GFM1: variants seen among roughly 807,000 people sequenced by gnomAD.
GFM1 encodes the protein G elongation factor mitochondrial 1.
A neutral mutation model predicts 96.2 loss-of-function variants in GFM1; 62 were observed. The ratio of observed to expected loss-of-function variants is 0.64; its 90% CI spans 0.53 to 0.80. The LOEUF (loss-of-function observed/expected upper bound fraction) is 0.80, where lower values mean the gene tolerates loss of function less well. Among genes scored for constraint, GFM1 ranks in the 30% least tolerant of loss-of-function variants. GFM1 has a pLI of 0.00. For missense variants in GFM1, 852 were observed against 916.6 expected (o/e 0.93, Z 0.91); for synonymous variants, 282 against 312.9 (o/e 0.90, Z 1.04).
intron 13 of GFM1, among the ~76,000 whole-genome samples, chr3:158,678,322 A>G (rs1410365731): frequency 6.6e-6 from 1 of 152,214 alleles, no homozygotes; most frequent in Non-Finnish European, 1.5e-5. Context: ...GATCGCTGCC[A>G]TAGGTTGATT....
In GFM1 at chr3:158,644,611, T is replaced by G; in HGVS notation, c.-24T>G. ...CTGAACCCACCCGGCGCCACGGGAC[T>G]TTGACGCGTGCTCTGCGCTTGCCAT... On this transcript the variant is annotated 5_prime_UTR_variant, in exon 1 of 18. Coordinates refer to ENST00000486715, the MANE Select transcript of GFM1 (RefSeq NM_024996.7). The G allele has an allele frequency of 1.3e-6, 2 of 1,557,414 alleles. No individual in the cohort carries two copies. Among genetic ancestry groups the G allele is most frequent in the Non-Finnish European group, 1.7e-6 (2 of 1,150,780 alleles).
intron 13 of GFM1, chr3:158,666,917 T>A: frequency 1.3e-6 from 2 of 1,520,184 alleles, no homozygotes; most frequent in East Asian, 4.8e-5. Flanking sequence ...TTACATGAAT[T>A]CTGATTTAGA....
intron 6 of GFM1, 22 bp downstream of exon 6, chr3:158,652,268 C>T (rs914631990): frequency 5.0e-6 from 8 of 1,610,082 alleles, no homozygotes; most frequent in Non-Finnish European, 6.8e-6. Context: ...CAAAATAAGT[C>T]TTATGTTAAC....
At chr3:158,676,906 G>A (rs1209905357) in intron 13 of GFM1, among the ~76,000 whole-genome samples, 1 of 151,924 alleles carries the variant, frequency 6.6e-6, no homozygotes, top group Non-Finnish European at 1.5e-5. Flanking sequence ...CACCGTATTG[G>A]CCAGGCTGGT....
At chr3:158,647,508 C>G (rs1326284030) in intron 4 of GFM1, among the ~76,000 whole-genome samples, 1 of 152,220 alleles carries the variant, frequency 6.6e-6, no homozygotes, top group African/African-American at 2.4e-5. Context: ...CAGAATTTCA[C>G]TTTTCACCTT....
At chr3:158,679,259 G>A (rs950973946) in intron 13 of GFM1, among the ~76,000 whole-genome samples, 1 of 152,114 alleles carries the variant, frequency 6.6e-6, no homozygotes, top group African/African-American at 2.4e-5. Context: ...CTACAGTATC[G>A]TGTAAACATA....
At chr3:158,674,229 C>T (rs1180557717) in intron 13 of GFM1, among the ~76,000 whole-genome samples, 1 of 151,858 alleles carries the variant, frequency 6.6e-6, no homozygotes, top group Non-Finnish European at 1.5e-5. Flanking sequence ...TACAGGTGCA[C>T]TTCACCACAC....
rs1213528613 is a variant in GFM1, at chr3:158,693,415, G to T, written c.*1948G>T. 2 of 152,116 alleles carry T rather than the reference G, an allele frequency of 1.3e-5. No homozygotes were observed. The highest frequency in any genetic ancestry group is 4.8e-5 in the African/African-American group (2 of 41,384). 9.4% of individuals were successfully genotyped at this position (152,116 alleles called of 1,614,324 possible). On this transcript the variant is annotated 3_prime_UTR_variant, in exon 18 of 18. Coordinates refer to ENST00000486715, the MANE Select transcript of GFM1 (RefSeq NM_024996.7). The stretch of plus-strand genomic sequence containing the variant: ...TATTTTTAATTTGTAAAACATCCTG[G>T]TTATAATGTTACAGTGTTAGAAAAG...
intron 6 of GFM1, 71 bp from the exon 7 acceptor site, chr3:158,653,235 CATTT>C (rs1722439233): frequency 1.7e-6 from 2 of 1,180,912 alleles, no homozygotes. Context: ...TCATTTTATT[CATTT>C]GTTTGTAGTT....
chr3:158,671,929 A>G (rs1724358461), intron 13 of GFM1, among the ~76,000 whole-genome samples: 1 of 152,058 alleles, frequency 6.6e-6, no homozygotes, highest in Non-Finnish European at 1.5e-5. Flanking sequence ...TCTGATAAGG[A>G]TTTGTCTTAA....
chr3:158,669,937 C>T (rs1050454821), intron 13 of GFM1, among the ~76,000 whole-genome samples: 3 of 152,196 alleles, frequency 2.0e-5, no homozygotes, highest in Non-Finnish European at 4.4e-5. Context: ...TATACCAACT[C>T]AAGACTGGTT....
intron 8 of GFM1, among the ~76,000 whole-genome samples, chr3:158,655,463 G>A (rs192176822): frequency 6.9e-5 from 10 of 145,878 alleles, no homozygotes; most frequent in South Asian, 4.4e-4. Context: ...CAGCCTGGGC[G>A]ACAGAGCAAG....
intron 15 of GFM1, among the ~76,000 whole-genome samples, chr3:158,686,727 T>TTTG (rs1725890780): frequency 1.5e-5 from 2 of 137,388 alleles, no homozygotes; most frequent in Non-Finnish European, 3.1e-5. Flanking sequence ...TGAGGTTTTT[T>TTTG]TTTTTTTTTT....
At chr3:158,646,969 A>C in intron 4 of GFM1, 22 bp downstream of exon 4, 1 of 1,584,838 alleles carries the variant, frequency 6.3e-7, no homozygotes, top group East Asian at 2.2e-5. Flanking sequence ...TAGAATAAAC[A>C]AAGAGGATGT....
chr3:158,679,826 T>G (rs1183600132), intron 13 of GFM1, among the ~76,000 whole-genome samples: 3 of 152,228 alleles, frequency 2.0e-5, no homozygotes, highest in Non-Finnish European at 2.9e-5. Flanking sequence ...ATATCTCCTG[T>G]GTTACCACCA....
rs1482255733 is a variant in GFM1 at position 158,660,867 on chromosome 3, T to G, written c.1222-7T>G. On this transcript the variant is annotated splice_polypyrimidine_tract_variant and splice_region_variant and intron_variant, in intron 9 of 17. Transcript: ENST00000486715. ...CAAATATAATTTTGTGTTATTTGTT[T>G]TTTTAGGATGTTGAGGAAGTATATG... is the stretch of plus-strand genomic sequence containing the variant. 1.2e-6 allele frequency: 2 copies of G among 1,611,482 alleles called. No homozygotes were observed. The highest frequency in any genetic ancestry group is 1.7e-5 in the Admixed American group (1 of 60,022).
chr3:158,649,906 G>C, intron 5 of GFM1: 1 of 1,017,500 alleles, frequency 9.8e-7, no homozygotes, highest in South Asian at 1.4e-5. Context: ...CAGGTCTGCA[G>C]ACCACACTTT....
chr3:158,672,285 C>T, intron 13 of GFM1: 2 of 1,592,578 alleles, frequency 1.3e-6, no homozygotes, highest in Non-Finnish European at 1.7e-6. Flanking sequence ...AGGCTGAGAC[C>T]GCGGGTGAGT....
In GFM1 at chr3:158,677,012, T is replaced by C. The variant is rs184688787; in HGVS notation, c.1602-4983T>C. ...GCCACGCCCGGCCTCACCTCCATTT[T>C]TCTAATAGCATATTCTAACTTCACA... On this transcript the variant is annotated intron_variant, in intron 13 of 17. Coordinates refer to ENST00000486715, the MANE Select transcript of GFM1 (RefSeq NM_024996.7). Among the ~76,000 whole-genome samples, 224 of 152,314 alleles carry C rather than the reference T, an allele frequency of 1.5e-3. 2 individuals are homozygous for C. Among genetic ancestry groups the C allele is most frequent in the African/African-American group, 5.1e-3 (210 of 41,576 alleles).
Sources: gnomAD v4.1 joint callset for allele counts (sites outside exome capture counted in the v4.1 genomes callset) on GRCh38, gnomAD v4.1.1 for gene constraint, MANE v1.5 for transcripts, NCBI Gene and HGNC (gene_info 2026-07-23, HGNC 2026-07-21) for gene names.